ATP11A: variants seen among roughly 807,000 people sequenced by gnomAD.
ATP11A encodes ATPase phospholipid transporting 11A.
Under a neutral mutation model 154.4 loss-of-function variants are expected in ATP11A, and 81 were observed. That is an observed-to-expected ratio of 0.52 (90% CI 0.44 to 0.63). The LOEUF (loss-of-function observed/expected upper bound fraction) is 0.63, where lower values mean the gene tolerates loss of function less well. Ranked by LOEUF, ATP11A falls within the 30% of genes least tolerant of loss-of-function variation. The pLI, the probability that ATP11A is intolerant of heterozygous loss-of-function variation, is 0.00. For missense variants in ATP11A, 1,316 were observed against 1,474.3 expected, an observed-to-expected ratio of 0.89 and a Z score of 1.76; for synonymous variants, 623 against 585.9, an observed-to-expected ratio of 1.06 and a Z score of -0.91.
chr13:112,851,266 G>A, intron 18 of ATP11A, 48 bp downstream of exon 18: 3 of 1,577,038 alleles, frequency 1.9e-6, no homozygotes, highest in Non-Finnish European at 2.6e-6. Flanking sequence ...CTGGGATGCA[G>A]GCCGACGGCC....
chr13:112,858,082 G>C, intron 21 of ATP11A, 63 bp from the exon 22 acceptor site: 1 of 1,591,716 alleles, frequency 6.3e-7, no homozygotes, highest in Non-Finnish European at 8.6e-7. Flanking sequence ...TCTTCTCCCC[G>C]TCCCTGCCCT....
intron 1 of ATP11A, among the ~76,000 whole-genome samples, chr13:112,710,137 G>A (rs1887576013): frequency 6.6e-6 from 1 of 152,262 alleles, no homozygotes; most frequent in Non-Finnish European, 1.5e-5. Flanking sequence ...TCACGGGGAG[G>A]CCGGCTGCAG....
At position 112,785,184 on chromosome 13, in the gene ATP11A, A is replaced by C. The variant is rs749804371; in HGVS notation, c.89A>C (p.His30Pro). The part of the protein sequence containing the change: ...WVDSRTIYVG[H>P]REPPPGAEAY... ...GACAGCAGGACCATCTACGTGGGAC[A>C]CAGGGAGCCACCTCCGGGCGCAGAG... Residue 30 changes from histidine (H) to proline (P), a missense_variant, in exon 2 of 30, where the codon CAC (histidine) becomes CCC (proline). This residue lies in a region of ATP11A where 123 missense variants were observed against 113.7 expected (regional missense o/e 1.08). Transcript: ENST00000375645. This position sits in a 1 kb window ranked among gnomAD's most constrained non-coding sequence, Gnocchi z 4.8. 1 of 1,579,868 alleles carries C rather than the reference A, an allele frequency of 6.3e-7. No individual in the cohort carries two copies. The highest frequency in any genetic ancestry group is 8.6e-7 in the Non-Finnish European group (1 of 1,163,454).
chr13:112,853,305 T>TAC (rs1311065130), intron 18 of ATP11A, among the ~76,000 whole-genome samples: 1 of 152,018 alleles, frequency 6.6e-6, no homozygotes, highest in Admixed American at 6.6e-5. Flanking sequence ...CATATATATA[T>TAC]ACACATACAT....
intron 1 of ATP11A, among the ~76,000 whole-genome samples, chr13:112,702,549 G>A (rs1412383621): frequency 6.6e-6 from 1 of 152,160 alleles, no homozygotes. Flanking sequence ...TGTGTTCCGC[G>A]GGCTTCTTGT....
intron 2 of ATP11A, among the ~76,000 whole-genome samples, chr13:112,790,090 A>G (rs533846169): frequency 2.7e-5 from 4 of 149,544 alleles, no homozygotes; most frequent in Admixed American, 2.7e-4. Flanking sequence ...ACTCCTATGT[A>G]GACCTATTTA....
At position 112,883,973 on chromosome 13, in the gene ATP11A, C is replaced by T. The variant is rs1201720915; in HGVS notation, c.*2107C>T. On this transcript the variant is annotated 3_prime_UTR_variant, in exon 30 of 30. Transcript: ENST00000375645. ...CCTTTGCACTGAAGTATTTTCATAG[C>T]TGTTTATATCTCTTTTATTCATTTA... is the stretch of plus-strand genomic sequence containing the variant. 2 of 152,482 alleles carry T rather than the reference C, an allele frequency of 1.3e-5. No individual in the cohort carries two copies. The highest frequency in any genetic ancestry group is 2.9e-5 in the Non-Finnish European group (2 of 68,022). 9.4% of individuals were successfully genotyped at this position (152,482 alleles called of 1,614,324 possible).
chr13:112,760,874 T>C (rs388242), intron 1 of ATP11A, among the ~76,000 whole-genome samples: 38,216 of 152,090 alleles, frequency 0.25, 6,489 homozygotes, highest in African/African-American at 0.48. Context: ...ACTTTTTAGA[T>C]GTTGTTGGGA....
At chr13:112,768,459 C>T (rs1479746850) in intron 1 of ATP11A, among the ~76,000 whole-genome samples, 1 of 152,208 alleles carries the variant, frequency 6.6e-6, no homozygotes, top group Non-Finnish European at 1.5e-5. Context: ...GCTGAGCCGC[C>T]CTGGTGTCTG....
chr13:112,713,779 T>C (rs919292474), intron 1 of ATP11A, among the ~76,000 whole-genome samples: 30 of 152,150 alleles, frequency 2.0e-4, no homozygotes, highest in African/African-American at 6.0e-4. Flanking sequence ...TCGGTTTGCA[T>C]GTGTCCAGTT....
chr13:112,787,999 T>C (rs1482457227), intron 2 of ATP11A, among the ~76,000 whole-genome samples: 12 of 149,156 alleles, frequency 8.0e-5, no homozygotes, highest in Admixed American at 6.6e-5. Context: ...TGTCCTGATG[T>C]GTAGACCCCT....
At chr13:112,742,446 C>T (rs1033516592) in intron 1 of ATP11A, among the ~76,000 whole-genome samples, 2 of 151,992 alleles carry the variant, frequency 1.3e-5, no homozygotes, top group Non-Finnish European at 2.9e-5. Flanking sequence ...TGTCACAGGT[C>T]GTGTGTGGGG....
chr13:112,748,511 A>G (rs542226443), intron 1 of ATP11A, among the ~76,000 whole-genome samples: 2 of 152,174 alleles, frequency 1.3e-5, no homozygotes, highest in South Asian at 2.1e-4. Context: ...GACTGTAGGT[A>G]TGCGCTCCCA....
At chr13:112,834,967 G>T (rs1350752322) in intron 15 of ATP11A, among the ~76,000 whole-genome samples, 2 of 152,234 alleles carry the variant, frequency 1.3e-5, no homozygotes, top group Non-Finnish European at 2.9e-5. Context: ...CTGAAGTCAG[G>T]TTTTGCTGCA....
chr13:112,757,115 A>G (rs373170), intron 1 of ATP11A, among the ~76,000 whole-genome samples: 92,614 of 152,178 alleles, frequency 0.61, 28,914 homozygotes, highest in African/African-American at 0.74. Flanking sequence ...CTGCTGCTAC[A>G]ATCTGTAGTG....
At chr13:112,768,096 G>A (rs1888297) in intron 1 of ATP11A, among the ~76,000 whole-genome samples, 33,170 of 152,210 alleles carry the variant, frequency 0.22, 4,495 homozygotes, top group East Asian at 0.41. Context: ...CCAAGTGCCT[G>A]TTTGCTTCTG....
At chr13:112,743,975 T>G (rs931887478) in intron 1 of ATP11A, among the ~76,000 whole-genome samples, 1 of 152,248 alleles carries the variant, frequency 6.6e-6, no homozygotes, top group Non-Finnish European at 1.5e-5. Context: ...AGTTACAGGT[T>G]AAGCCAGTTT....
chr13:112,800,551 GA>G (rs1356737651), intron 2 of ATP11A, among the ~76,000 whole-genome samples: 1 of 150,450 alleles, frequency 6.6e-6, no homozygotes, highest in East Asian at 1.9e-4. Context: ...TTTCACTGGT[GA>G]ATTCTACCAA....
chr13:112,743,378 GACGGCATAGGCAGGTGTTGTATGT>G, intron 1 of ATP11A, among the ~76,000 whole-genome samples: 1 of 152,148 alleles, frequency 6.6e-6, no homozygotes, highest in African/African-American at 2.4e-5. Flanking sequence ...TGCTAGCACT[GACGGCATAGGCAGGTGTTGTATGT>G]TCCTGCAGGT....
Sources: allele counts gnomAD v4.1 joint callset (sites outside exome capture counted in the v4.1 genomes callset), GRCh38; gene constraint gnomAD v4.1.1; regional missense constraint gnomAD v4.1.1; non-coding constraint Gnocchi (gnomAD v3.1); transcripts MANE v1.5; gene names NCBI Gene and HGNC (gene_info 2026-07-23, HGNC 2026-07-21).